NAV2: variants seen among roughly 807,000 people sequenced by gnomAD.
NAV2 encodes helicase, APC down-regulated 1.
NAV2 carries 54 observed loss-of-function variants against 223.2 expected under a neutral mutation model. That is an observed-to-expected ratio of 0.24 (90% CI 0.19 to 0.30). The LOEUF (loss-of-function observed/expected upper bound fraction) is 0.30. Ranked by LOEUF, NAV2 falls within the 10% of genes least tolerant of loss-of-function variation. NAV2 has a pLI of 1.00. For synonymous variants in NAV2, 1,279 were observed against 1,239.3 expected (o/e 1.03, Z -0.67); for missense variants, 2,806 against 3,147.5 (o/e 0.89, Z 2.60).
chr11:19,670,236 C>T (rs996454133), intron 1 of NAV2, among the ~76,000 whole-genome samples: 2 of 152,182 alleles, frequency 1.3e-5, no homozygotes, highest in Non-Finnish European at 2.9e-5. Flanking sequence ...CTGCGTAGGC[C>T]TCAGATCCTT....
chr11:19,408,415 T>C (rs766653113), intron 1 of NAV2, among the ~76,000 whole-genome samples: 1 of 152,218 alleles, frequency 6.6e-6, no homozygotes, highest in African/African-American at 2.4e-5. Context: ...TCACTCCAGA[T>C]AATTTTTGCT....
rs114208701 is a variant in NAV2, at chr11:20,011,195, T to C, written c.2769-24764T>C. The stretch of plus-strand genomic sequence containing the variant: ...CCCATAGCTTTTTTAAAAAAATGAG[T>C]TTTGGTGAGGTTTCTGTTTCTGATA... On this transcript the variant is annotated intron_variant, in intron 11 of 37. Coordinates refer to ENST00000349880, the MANE Select transcript of NAV2 (RefSeq NM_145117.5). Among the ~76,000 whole-genome samples, 597 of 152,214 alleles carry C rather than the reference T, an allele frequency of 3.9e-3. 9 individuals carry two copies. Among genetic ancestry groups the C allele is most frequent in the African/African-American group, 0.014 (578 of 41,524 alleles).
At chr11:19,971,924 A>T (rs2049284290) in intron 10 of NAV2, among the ~76,000 whole-genome samples, 1 of 152,074 alleles carries the variant, frequency 6.6e-6, no homozygotes, top group Non-Finnish European at 1.5e-5. Context: ...GCTGGTTTTG[A>T]ACTCCTGACC....
At chr11:19,957,913 A>AT (rs71050694) in intron 10 of NAV2, among the ~76,000 whole-genome samples, 10,402 of 152,274 alleles carry the variant, frequency 0.068, 512 homozygotes, top group South Asian at 0.15. Flanking sequence ...GAGAGAAAAA[A>AT]AAATAAATGG....
intron 1 of NAV2, among the ~76,000 whole-genome samples, chr11:19,398,705 G>C (rs889441100): frequency 6.6e-6 from 1 of 152,054 alleles, no homozygotes; most frequent in African/African-American, 2.4e-5. Context: ...CTCAGTTCTT[G>C]CTCAGCCCCT....
chr11:19,677,825 A>C (rs934564345), intron 1 of NAV2, among the ~76,000 whole-genome samples: 3 of 152,250 alleles, frequency 2.0e-5, no homozygotes, highest in African/African-American at 7.2e-5. Context: ...GACTGCCTTC[A>C]TGCTACAAGG....
At chr11:20,003,605 T>G (rs2052769591) in intron 11 of NAV2, among the ~76,000 whole-genome samples, 1 of 152,172 alleles carries the variant, frequency 6.6e-6, no homozygotes. Flanking sequence ...TTAGTTCTAC[T>G]TGAGTTCAGC....
Position 19,941,023 on chromosome 11 carries a change from C to A in NAV2, c.2146+1250C>A, listed in dbSNP as rs117757085. Among the ~76,000 whole-genome samples, 182 of 152,272 alleles carry A rather than the reference C, an allele frequency of 1.2e-3. 2 individuals are homozygous for A. Among genetic ancestry groups the A allele is most frequent in the Admixed American group, 9.0e-3 (137 of 15,290 alleles). ...TGTGCAGACATCAAAAGAGCGAGGC[C>A]AACGCTTCAGATCCCAGCATGGTTC... On this transcript the variant is annotated intron_variant, in intron 8 of 37. Transcript: ENST00000349880.
intron 5 of NAV2, among the ~76,000 whole-genome samples, chr11:19,890,124 G>A (rs949299429): frequency 6.6e-6 from 1 of 152,182 alleles, no homozygotes; most frequent in Non-Finnish European, 1.5e-5. Flanking sequence ...ATACCCAATG[G>A]TATAACTGTT....
intron 1 of NAV2, among the ~76,000 whole-genome samples, chr11:19,359,824 T>G (rs1853828234): frequency 6.6e-6 from 1 of 152,198 alleles, no homozygotes; most frequent in South Asian, 2.1e-4. Context: ...TCTCCTTGGC[T>G]GTCGGGTCAC....
chr11:19,433,230 T>G (rs1386456), intron 1 of NAV2, among the ~76,000 whole-genome samples: 30,828 of 152,180 alleles, frequency 0.2, 3,489 homozygotes, highest in Middle Eastern at 0.3. Context: ...GGAATGTTTG[T>G]GGAGGTCAGT....
intron 1 of NAV2, among the ~76,000 whole-genome samples, chr11:19,669,881 C>G (rs1283171606): frequency 6.6e-6 from 1 of 152,196 alleles, no homozygotes; most frequent in Non-Finnish European, 1.5e-5. Context: ...CCCAGTGGGT[C>G]AGATTTTAAA....
At chr11:20,014,502 T>A (rs540487462) in intron 11 of NAV2, among the ~76,000 whole-genome samples, 16 of 152,294 alleles carry the variant, frequency 1.1e-4, no homozygotes, top group Non-Finnish European at 2.4e-4. Flanking sequence ...TCTGTAATAT[T>A]CCAGCACTTT....
intron 36 of NAV2, among the ~76,000 whole-genome samples, chr11:20,110,113 C>A (rs1234766329): frequency 6.6e-6 from 1 of 152,256 alleles, no homozygotes; most frequent in Non-Finnish European, 1.5e-5. Context: ...GGGCAGGGAG[C>A]AGAGACATGC....
At chr11:19,499,498 A>T (rs183668290) in intron 1 of NAV2, among the ~76,000 whole-genome samples, 12 of 152,268 alleles carry the variant, frequency 7.9e-5, no homozygotes, top group Non-Finnish European at 1.6e-4. Context: ...TGGCACAGGC[A>T]CTTAAGTATG....
Position 19,881,813 on chromosome 11 carries a change from T to G in NAV2, c.770+1686T>G, listed in dbSNP as rs575988476. ...ATTCAGAGGGGCTGGGTTGCTAATTTAGGTTTGGTTGATAGAAAGGTCTCT... is the reference window on the plus strand; with the variant it reads ...ATTCAGAGGGGCTGGGTTGCTAATTGAGGTTTGGTTGATAGAAAGGTCTCT... On this transcript the variant is annotated intron_variant, in intron 5 of 37. Transcript: ENST00000349880. Among the ~76,000 whole-genome samples, 50 of 152,276 alleles carry G rather than the reference T, an allele frequency of 3.3e-4. No individual in the cohort carries two copies. In the South Asian group the frequency reaches 0.01, roughly 31 times the overall value.
At chr11:19,670,674 C>G (rs1268541401) in intron 1 of NAV2, among the ~76,000 whole-genome samples, 1 of 152,184 alleles carries the variant, frequency 6.6e-6, no homozygotes, top group Non-Finnish European at 1.5e-5. Context: ...ATTGCTTGGT[C>G]CCTCCACACC....
intron 1 of NAV2, among the ~76,000 whole-genome samples, chr11:19,744,768 C>T (rs545200716): frequency 6.6e-6 from 1 of 152,302 alleles, no homozygotes; most frequent in Admixed American, 6.5e-5. Context: ...ACCATCCTCA[C>T]CATCCTACAG....
At chr11:19,841,153 G>A (rs527746929) in intron 2 of NAV2, among the ~76,000 whole-genome samples, 1 of 152,070 alleles carries the variant, frequency 6.6e-6, no homozygotes, top group Non-Finnish European at 1.5e-5. Flanking sequence ...TCCCAGGTGG[G>A]TCATAAACCT....
Sources: allele counts gnomAD v4.1 joint callset (sites outside exome capture counted in the v4.1 genomes callset), GRCh38; gene constraint gnomAD v4.1.1; transcripts MANE v1.5; gene names NCBI Gene and HGNC (gene_info 2026-07-23, HGNC 2026-07-21).